GALNTL6: variants seen among roughly 807,000 people sequenced by gnomAD.
The protein encoded by GALNTL6 is polypeptide N-acetylgalactosaminyltransferase like 6.
In GALNTL6, 46 loss-of-function variants were observed where a neutral mutation model predicts 73.7. The ratio of observed to expected loss-of-function variants is 0.62; its 90% CI spans 0.49 to 0.80. The LOEUF is 0.80. Ranked by LOEUF, GALNTL6 falls within the 30% of genes least tolerant of loss-of-function variation. The pLI, the probability that GALNTL6 is intolerant of heterozygous loss-of-function variation, is 0.00. For missense variants in GALNTL6, 604 were observed against 755.0 expected (o/e 0.80, Z 2.34); for synonymous variants, 259 against 263.7 (o/e 0.98, Z 0.17).
rs532493814 is a variant in GALNTL6 at position 172,576,997 on chromosome 4, T to C, written c.553+228308T>C. On this transcript the variant is annotated intron_variant, in intron 5 of 12. Coordinates refer to ENST00000506823, the MANE Select transcript of GALNTL6 (RefSeq NM_001034845.3). ...TTCTGTGTCACAATCTGTCAGACACTGGAGTTCATCCTGCCAAACGGTCTC... is the reference window on the plus strand; with the variant it reads ...TTCTGTGTCACAATCTGTCAGACACCGGAGTTCATCCTGCCAAACGGTCTC... 2.2e-4 allele frequency among the ~76,000 whole-genome samples: 33 copies of C among 152,250 alleles called. 2 individuals are homozygous for C. In the South Asian group the frequency reaches 6.4e-3, roughly 30 times the overall value.
chr4:172,609,621 C>CTGTGTGTG (rs1295603452), intron 5 of GALNTL6, among the ~76,000 whole-genome samples: 2 of 27,434 alleles, frequency 7.3e-5, no homozygotes, highest in South Asian at 1.7e-3. Flanking sequence ...CTCTCTCTCT[C>CTGTGTGTG]TCTCTGTGTG....
intron 5 of GALNTL6, among the ~76,000 whole-genome samples, chr4:172,572,052 TCTC>T (rs997483389): frequency 1.3e-5 from 2 of 152,120 alleles, no homozygotes; most frequent in African/African-American, 4.8e-5. Context: ...GGCACCCATA[TCTC>T]CCCAGACTGA....
chr4:171,908,389 C>T (rs111993393), intron 2 of GALNTL6, among the ~76,000 whole-genome samples: 42,064 of 151,288 alleles, frequency 0.28, 5,993 homozygotes, highest in Middle Eastern at 0.35. Context: ...AAAAAACACA[C>T]GAAAAAATGC....
At chr4:172,781,797 G>A (rs1275811754) in intron 5 of GALNTL6, among the ~76,000 whole-genome samples, 1 of 151,776 alleles carries the variant, frequency 6.6e-6, no homozygotes, top group Non-Finnish European at 1.5e-5. Context: ...AGGCATAATT[G>A]GGAAACATTT....
chr4:172,422,094 G>A (rs550206624), intron 5 of GALNTL6, among the ~76,000 whole-genome samples: 1 of 152,112 alleles, frequency 6.6e-6, no homozygotes, highest in South Asian at 2.1e-4. Context: ...TTCTGAAATA[G>A]CTTTTCCCCT....
intron 5 of GALNTL6, among the ~76,000 whole-genome samples, chr4:172,363,305 A>G (rs917054638): frequency 6.6e-6 from 1 of 152,190 alleles, no homozygotes; most frequent in Non-Finnish European, 1.5e-5. Context: ...CTCAAAGAGA[A>G]TAACATCTTC....
chr4:172,379,548 A>AAAAAAG (rs1743190086), intron 5 of GALNTL6, among the ~76,000 whole-genome samples: 1 of 145,440 alleles, frequency 6.9e-6, no homozygotes, highest in African/African-American at 2.7e-5. Context: ...AAAAAAAAAA[A>AAAAAAG]AAAAAAAAAG....
intron 2 of GALNTL6, among the ~76,000 whole-genome samples, chr4:172,077,612 A>T (rs1443350725): frequency 6.6e-6 from 1 of 152,216 alleles, no homozygotes; most frequent in African/African-American, 2.4e-5. Context: ...TGTATGTGTG[A>T]ACAAAGAGAT....
intron 12 of GALNTL6, among the ~76,000 whole-genome samples, chr4:173,029,833 A>C (rs538602107): frequency 6.6e-6 from 1 of 152,336 alleles, no homozygotes; most frequent in South Asian, 2.1e-4. Context: ...ATTTTGATTC[A>C]ACTTAATAGC....
At chr4:172,428,533 G>A (rs556765124) in intron 5 of GALNTL6, among the ~76,000 whole-genome samples, 4 of 152,206 alleles carry the variant, frequency 2.6e-5, no homozygotes, top group South Asian at 2.1e-4. Flanking sequence ...TATGTCCCAC[G>A]GAAGGGCAAG....
chr4:172,258,996 T>C (rs998246136), intron 3 of GALNTL6, among the ~76,000 whole-genome samples: 16 of 151,304 alleles, frequency 1.1e-4, no homozygotes, highest in Admixed American at 6.0e-4. Flanking sequence ...TACTTGTTGG[T>C]TGATGGGCAT....
At chr4:172,204,464 C>T (rs991422644) in intron 2 of GALNTL6, among the ~76,000 whole-genome samples, 5 of 152,126 alleles carry the variant, frequency 3.3e-5, no homozygotes, top group Admixed American at 1.3e-4. Flanking sequence ...ATCACTGTTT[C>T]TGATTGTTTA....
At chr4:172,788,638 C>T (rs1318502207) in intron 5 of GALNTL6, among the ~76,000 whole-genome samples, 1 of 144,004 alleles carries the variant, frequency 6.9e-6, no homozygotes, top group Non-Finnish European at 1.5e-5. Flanking sequence ...CACCACTGCA[C>T]TCCAGCCTGA....
intron 2 of GALNTL6, among the ~76,000 whole-genome samples, chr4:171,845,148 C>A (rs537169026): frequency 1.3e-5 from 2 of 152,242 alleles, no homozygotes; most frequent in Admixed American, 1.3e-4. Flanking sequence ...TTTTAATAAC[C>A]TTGCAATTCT....
intron 5 of GALNTL6, among the ~76,000 whole-genome samples, chr4:172,766,472 A>G (rs1664219293): frequency 6.6e-6 from 1 of 152,066 alleles, no homozygotes; most frequent in Non-Finnish European, 1.5e-5. Flanking sequence ...GATGCGTTCA[A>G]TGTCTCTAAC....
At chr4:171,910,950 A>C (rs1176835012) in intron 2 of GALNTL6, among the ~76,000 whole-genome samples, 1 of 152,258 alleles carries the variant, frequency 6.6e-6, no homozygotes, top group African/African-American at 2.4e-5. Context: ...GCACTTGGAC[A>C]TTCTTCTAGT....
At chr4:172,964,992 G>A (rs1750259797) in intron 10 of GALNTL6, among the ~76,000 whole-genome samples, 1 of 152,200 alleles carries the variant, frequency 6.6e-6, no homozygotes, top group South Asian at 2.1e-4. Context: ...CAACTACGCG[G>A]CAAACTGCCT....
chr4:173,012,146 A>G (rs1752580223), intron 11 of GALNTL6, among the ~76,000 whole-genome samples: 1 of 152,234 alleles, frequency 6.6e-6, no homozygotes. Flanking sequence ...GCAGATATTT[A>G]TGTACTCATC....
At chr4:171,881,922 A>G (rs1444970895) in intron 2 of GALNTL6, among the ~76,000 whole-genome samples, 1 of 152,204 alleles carries the variant, frequency 6.6e-6, no homozygotes, top group African/African-American at 2.4e-5. Flanking sequence ...TGTGAGCAAA[A>G]AGTAATGAAT....
Sources: gnomAD v4.1 joint callset for allele counts (sites outside exome capture counted in the v4.1 genomes callset) on GRCh38, gnomAD v4.1.1 for gene constraint, MANE v1.5 for transcripts, NCBI Gene and HGNC (gene_info 2026-07-23, HGNC 2026-07-21) for gene names.